Variants in PRUNE2 observed in about 807,000 individuals in gnomAD.
The protein encoded by PRUNE2 is protein prune homolog 2.
PRUNE2 carries 164 observed loss-of-function variants against 252.0 expected under a neutral mutation model. That is an observed-to-expected ratio of 0.65 (90% CI 0.57 to 0.74). The LOEUF is 0.74. Ranked by LOEUF, PRUNE2 falls within the 30% of genes least tolerant of loss-of-function variation. PRUNE2 has a pLI of 0.00. For missense variants in PRUNE2, 3,495 were observed against 3,711.0 expected, an observed-to-expected ratio of 0.94 and a Z score of 1.51; for synonymous variants, 1,292 against 1,350.2, an observed-to-expected ratio of 0.96 and a Z score of 0.94.
At chr9:76,846,440 A>G (rs2059673497) in intron 4 of PRUNE2, 75 bp downstream of exon 4, 1 of 1,323,254 alleles carries the variant, frequency 7.6e-7, no homozygotes, top group Non-Finnish European at 1.0e-6. Context: ...AATGGATCGC[A>G]TTCTTTCTAC....
intron 6 of PRUNE2, among the ~76,000 whole-genome samples, chr9:76,749,648 T>C (rs11145042): frequency 0.011 from 1,706 of 152,310 alleles, 33 homozygotes; most frequent in African/African-American, 0.038. Context: ...CTCCTTTCTC[T>C]TGCTGCAAAA....
chr9:76,728,912 A>C (rs900731543), intron 6 of PRUNE2, among the ~76,000 whole-genome samples: 1 of 152,212 alleles, frequency 6.6e-6, no homozygotes, highest in Admixed American at 6.5e-5. Context: ...CAATACATAG[A>C]TGGTAGTCAG....
chr9:76,838,625 A>G (rs1252349942), intron 4 of PRUNE2, among the ~76,000 whole-genome samples: 1 of 147,914 alleles, frequency 6.8e-6, no homozygotes, highest in Non-Finnish European at 1.5e-5. Context: ...AGCCTGGGCA[A>G]CAAGAGCGAA....
At chr9:76,670,324 A>G (rs568074) in intron 9 of PRUNE2, among the ~76,000 whole-genome samples, 139,641 of 151,394 alleles carry the variant, frequency 0.92, 65,068 homozygotes, top group Non-Finnish European at 0.99. Context: ...ACTCCCACCC[A>G]AATACTGCGC....
At chr9:76,731,321 T>TAC (rs2048573846) in intron 6 of PRUNE2, among the ~76,000 whole-genome samples, 1 of 101,942 alleles carries the variant, frequency 9.8e-6, no homozygotes, top group Non-Finnish European at 1.9e-5. Context: ...TATATATATA[T>TAC]ATATTTTTTT....
intron 1 of PRUNE2, chr9:76,862,446 T>C (rs532862747): frequency 2.6e-5 from 4 of 152,328 alleles, no homozygotes; most frequent in African/African-American, 7.2e-5. Context: ...TCCTCTGACC[T>C]TGTGGCGTCC....
intron 1 of PRUNE2, among the ~76,000 whole-genome samples, chr9:76,898,105 A>G (rs1289401470): frequency 6.6e-6 from 1 of 152,208 alleles, no homozygotes; most frequent in Admixed American, 6.5e-5. Context: ...AGCAAGTAAA[A>G]GTGGCGGGGT....
chr9:76,691,006 A>C (rs555841323), intron 9 of PRUNE2, among the ~76,000 whole-genome samples: 1 of 152,350 alleles, frequency 6.6e-6, no homozygotes, highest in Admixed American at 6.5e-5. Context: ...ATTGCCAGGC[A>C]TCGTAATCTA....
chr9:76,739,428 G>A (rs994704336), intron 6 of PRUNE2: 12 of 151,998 alleles, frequency 7.9e-5, no homozygotes, highest in African/African-American at 1.4e-4. Context: ...CATGAATGAT[G>A]ATAACAAAAA....
At chr9:76,769,753 G>C (rs1043280820) in intron 6 of PRUNE2, among the ~76,000 whole-genome samples, 7 of 152,194 alleles carry the variant, frequency 4.6e-5, no homozygotes, top group African/African-American at 1.7e-4. Flanking sequence ...TTGTATTTCT[G>C]TAGGAGAGCT....
intron 6 of PRUNE2, among the ~76,000 whole-genome samples, chr9:76,746,675 G>A (rs1323371733): frequency 3.0e-5 from 4 of 135,434 alleles, no homozygotes; most frequent in Non-Finnish European, 4.6e-5. Flanking sequence ...ACTGCAGTCC[G>A]CAGTCCGGCC....
At chr9:76,731,443 C>A (rs1355895009) in intron 6 of PRUNE2, among the ~76,000 whole-genome samples, 2 of 151,818 alleles carry the variant, frequency 1.3e-5, no homozygotes, top group Non-Finnish European at 2.9e-5. Context: ...CTGCCTCAGC[C>A]TCCTGAGTAG....
At chr9:76,623,697 T>G (rs1833435318) in intron 17 of PRUNE2, among the ~76,000 whole-genome samples, 1 of 152,206 alleles carries the variant, frequency 6.6e-6, no homozygotes, top group Non-Finnish European at 1.5e-5. Flanking sequence ...AATATTACAG[T>G]TTATTGCCCT....
chr9:76,777,141 T>C (rs1242692394), intron 6 of PRUNE2, among the ~76,000 whole-genome samples: 1 of 151,516 alleles, frequency 6.6e-6, no homozygotes, highest in Non-Finnish European at 1.5e-5. Flanking sequence ...AGGAGAGAAG[T>C]GGGGGAGGGC....
At chr9:76,857,201 C>T (rs1161086471) in intron 1 of PRUNE2, 1 of 451,768 alleles carries the variant, frequency 2.2e-6, no homozygotes, top group Non-Finnish European at 4.5e-6. Context: ...GGCTTCAGCA[C>T]TCTCTTTCCC....
chr9:76,736,139 T>A (rs1013465484), intron 6 of PRUNE2, among the ~76,000 whole-genome samples: 1 of 144,654 alleles, frequency 6.9e-6, no homozygotes, highest in African/African-American at 2.7e-5. Context: ...TGTGTGAGTG[T>A]GTGTGTGTGT....
At chr9:76,827,840 C>T (rs981755579) in intron 4 of PRUNE2, among the ~76,000 whole-genome samples, 4 of 152,194 alleles carry the variant, frequency 2.6e-5, no homozygotes, top group Admixed American at 1.3e-4. Flanking sequence ...AATAATACTG[C>T]TTTCCCAGCT....
intron 9 of PRUNE2, chr9:76,692,457 A>T: frequency 1.1e-5 from 3 of 276,378 alleles, no homozygotes; most frequent in Non-Finnish European, 1.3e-5. Flanking sequence ...TTCTCTTGAA[A>T]CCTCTTTTTA....
intron 6 of PRUNE2, chr9:76,733,509 A>T (rs1321227660): frequency 6.6e-6 from 1 of 151,972 alleles, no homozygotes; most frequent in East Asian, 1.9e-4. Context: ...TCTGGGCCCC[A>T]GTGGTCCTCC....
Sources: gnomAD v4.1 joint callset for allele counts (sites outside exome capture counted in the v4.1 genomes callset) on GRCh38, gnomAD v4.1.1 for gene constraint, MANE v1.5 for transcripts, NCBI Gene and HGNC (gene_info 2026-07-23, HGNC 2026-07-21) for gene names.